Variants in DMXL1 observed in about 807,000 individuals in gnomAD.
The protein encoded by DMXL1 is dmX-like protein 1.
Under a neutral mutation model 319.2 loss-of-function variants are expected in DMXL1, and 99 were observed. The ratio of observed to expected loss-of-function variants is 0.31; its 90% CI spans 0.26 to 0.37. The LOEUF is 0.37. Among genes scored for constraint, DMXL1 ranks in the 10% least tolerant of loss-of-function variants. DMXL1 has a pLI of 1.00. For missense variants in DMXL1, 3,745 were observed against 3,595.6 expected, an observed-to-expected ratio of 1.04 and a Z score of -1.06; for synonymous variants, 1,385 against 1,235.2, an observed-to-expected ratio of 1.12 and a Z score of -2.54.
At chr5:119,122,112 A>T (rs1451306260) in intron 9 of DMXL1, among the ~76,000 whole-genome samples, 7 of 123,952 alleles carry the variant, frequency 5.6e-5, no homozygotes, top group African/African-American at 1.2e-4. Flanking sequence ...TCCCTCCCGG[A>T]CGGGGCGGCT....
At chr5:119,156,101 T>C (rs1254511217) in intron 19 of DMXL1, among the ~76,000 whole-genome samples, 1 of 152,162 alleles carries the variant, frequency 6.6e-6, no homozygotes, top group Non-Finnish European at 1.5e-5. Context: ...GAAGAGTCCA[T>C]CTATGTGGCA....
At chr5:119,111,267 G>T (rs1759529106) in intron 5 of DMXL1, among the ~76,000 whole-genome samples, 1 of 152,150 alleles carries the variant, frequency 6.6e-6, no homozygotes. Flanking sequence ...ACATTGTCCA[G>T]TATGGTAGCC....
chr5:119,092,384 C>T (rs367699324), intron 1 of DMXL1, among the ~76,000 whole-genome samples: 2 of 151,744 alleles, frequency 1.3e-5, no homozygotes, highest in African/African-American at 2.4e-5. Flanking sequence ...CCTCCTGATT[C>T]GGTGGGATTA....
intron 33 of DMXL1, chr5:119,206,401 A>G (rs895089000): frequency 6.6e-6 from 1 of 152,490 alleles, no homozygotes; most frequent in African/African-American, 2.4e-5. Context: ...GTAGAAATTG[A>G]AATTTTCTAA....
chr5:119,173,987 C>G (rs1308364079), intron 25 of DMXL1, among the ~76,000 whole-genome samples: 1 of 150,750 alleles, frequency 6.6e-6, no homozygotes, highest in Non-Finnish European at 1.5e-5. Flanking sequence ...GCTGAAGACC[C>G]AAAAAGAGCT....
chr5:119,075,868 A>T (rs1466844442), intron 1 of DMXL1, among the ~76,000 whole-genome samples: 1 of 152,154 alleles, frequency 6.6e-6, no homozygotes, highest in Non-Finnish European at 1.5e-5. Flanking sequence ...TCCACCCTGC[A>T]ATTTTTGCTT....
chr5:119,153,967 T>C (rs1015393604), intron 19 of DMXL1, among the ~76,000 whole-genome samples: 2 of 152,222 alleles, frequency 1.3e-5, no homozygotes, highest in South Asian at 2.1e-4. Flanking sequence ...TTTCAAACTT[T>C]TTCTGTCATC....
chr5:119,117,913 CCTG>C (rs1289525953), intron 7 of DMXL1, among the ~76,000 whole-genome samples: 2 of 152,170 alleles, frequency 1.3e-5, no homozygotes, highest in Non-Finnish European at 2.9e-5. Flanking sequence ...ACTGATAAAA[CCTG>C]CTGATTGTTC....
chr5:119,211,330 T>C (rs1742482064), intron 34 of DMXL1, among the ~76,000 whole-genome samples: 1 of 152,194 alleles, frequency 6.6e-6, no homozygotes, highest in African/African-American at 2.4e-5. Context: ...ATAGAATTAG[T>C]GTTATTTCTG....
At chr5:119,139,000 TAAAG>T (rs1455580921) in intron 13 of DMXL1, 1 of 151,940 alleles carries the variant, frequency 6.6e-6, no homozygotes, top group Non-Finnish European at 1.5e-5. Flanking sequence ...TCAACATCCT[TAAAG>T]AAAAAAAAGT....
Position 119,150,103 on chromosome 5 carries a change from T to G in DMXL1, c.4276T>G (p.Ser1426Ala). The stretch of plus-strand genomic sequence containing the variant: ...TAGCTGTTACTCATCTTTGGAGAAA[T>G]CTAGTAATGAGAGTACGTTAAGTAA... ...DDSCYSSLEK[S>A]SNESTLSKSN... Residue 1426 changes from serine (S) to alanine (A), a missense_variant, in exon 18 of 44, where the codon TCT becomes GCT. By Grantham distance (99) the Ser-to-Ala change is moderately conservative. This residue lies in a region of DMXL1 where 2,096 missense variants were observed against 1,985.4 expected (regional missense o/e 1.06). Coordinates refer to ENST00000539542, the MANE Select transcript of DMXL1 (RefSeq NM_001290321.3). 1 of 1,613,822 alleles carries G rather than the reference T, an allele frequency of 6.2e-7. No individual in the cohort carries two copies. Among genetic ancestry groups the G allele is most frequent in the Non-Finnish European group, 8.5e-7 (1 of 1,179,906 alleles).
intron 40 of DMXL1, among the ~76,000 whole-genome samples, chr5:119,238,122 T>A (rs1378561203): frequency 6.6e-6 from 1 of 151,994 alleles, no homozygotes; most frequent in Non-Finnish European, 1.5e-5. Flanking sequence ...AAGATTTAGA[T>A]GTATAAGTTT....
intron 29 of DMXL1, among the ~76,000 whole-genome samples, chr5:119,191,930 G>A (rs1485844636): frequency 6.6e-6 from 1 of 152,140 alleles, no homozygotes; most frequent in East Asian, 1.9e-4. Flanking sequence ...TTATATGCAT[G>A]GGTCAACCAT....
At chr5:119,155,128 G>T (rs148295932) in intron 19 of DMXL1, among the ~76,000 whole-genome samples, 19 of 152,172 alleles carry the variant, frequency 1.2e-4, no homozygotes, top group Non-Finnish European at 2.4e-4. Context: ...TCTGATGCAG[G>T]TGTACAAGGA....
intron 34 of DMXL1, among the ~76,000 whole-genome samples, chr5:119,215,780 A>C (rs1787781780): frequency 1.3e-5 from 2 of 152,162 alleles, no homozygotes; most frequent in Admixed American, 6.5e-5. Flanking sequence ...TAAGTCTGAA[A>C]ACCTAATTCA....
At chr5:119,150,968 T>C (rs925959332) in intron 18 of DMXL1, among the ~76,000 whole-genome samples, 2 of 152,146 alleles carry the variant, frequency 1.3e-5, no homozygotes, top group East Asian at 3.9e-4. Flanking sequence ...TGTTCATTTT[T>C]ACTAATTTTC....
At chr5:119,135,147 A>G (rs1250311190) in intron 13 of DMXL1, among the ~76,000 whole-genome samples, 1 of 152,186 alleles carries the variant, frequency 6.6e-6, no homozygotes, top group Admixed American at 6.5e-5. Context: ...AAGCATGTAT[A>G]TAGTATTACA....
chr5:119,189,795 C>T lies in DMXL1; in HGVS notation c.7223C>T (p.Pro2408Leu). ...MSCRESAPLTPSSAPVSQESL... is the reference protein window; with the variant it reads ...MSCRESAPLTLSSAPVSQESL... ...TGCAGAGAATCTGCCCCACTGACCC[C>T]TTCCTCGGCACCAGTAAGCCAGGAG... Residue 2408 changes from proline to leucine, a missense_variant, in exon 29 of 44, where the codon CCT (proline) becomes CTT (leucine). Physicochemically the swap from Pro to Leu is moderately conservative, Grantham distance 98. This residue lies in a region of DMXL1 where 1,382 missense variants were observed against 1,269.5 expected (regional missense o/e 1.09). Coordinates refer to ENST00000539542, the MANE Select transcript of DMXL1 (RefSeq NM_001290321.3). The T allele has an allele frequency of 6.2e-7, 1 of 1,614,140 alleles. No individual in the cohort carries two copies. Among genetic ancestry groups the T allele is most frequent in the Non-Finnish European group, 8.5e-7 (1 of 1,180,012 alleles).
At chr5:119,165,066 A>C in intron 20 of DMXL1, 117 bp from the exon 21 acceptor site, 1 of 644,978 alleles carries the variant, frequency 1.6e-6, no homozygotes, top group Non-Finnish European at 2.7e-6. Flanking sequence ...TTATTCATAT[A>C]CATATTTTTA....
Sources: gnomAD v4.1 joint callset for allele counts (sites outside exome capture counted in the v4.1 genomes callset) on GRCh38, gnomAD v4.1.1 for gene constraint, gnomAD v4.1.1 regional missense constraint, MANE v1.5 for transcripts, NCBI Gene and HGNC (gene_info 2026-07-23, HGNC 2026-07-21) for gene names.